The following BICC1 variants were observed in gnomAD, a reference collection of about 807,000 sequenced individuals.
BICC1 encodes the protein BicC family RNA binding protein 1, also known as protein bicaudal C homolog 1.
Under a neutral mutation model 111.0 loss-of-function variants are expected in BICC1, and 43 were observed. The ratio of observed to expected loss-of-function variants is 0.39; its 90% CI spans 0.30 to 0.50. The LOEUF (loss-of-function observed/expected upper bound fraction) is 0.50. BICC1 is among the 20% of genes least tolerant of loss of function. The pLI is 0.88. For missense variants in BICC1, 1,091 were observed against 1,203.2 expected (o/e 0.91, Z 1.38); for synonymous variants, 467 against 434.4 (o/e 1.07, Z -0.93).
chr10:58,620,879 G>A lies in BICC1; in HGVS notation c.215G>A (p.Ser72Asn). 3 of 1,613,644 alleles carry A rather than the reference G, an allele frequency of 1.9e-6. No individual in the cohort carries two copies. Among genetic ancestry groups the A allele is most frequent in the Non-Finnish European group, 2.5e-6 (3 of 1,179,792 alleles). ...GCTGCTGCTGAAGGGAAAGGCAGAA[G>A]TGGGGAAGACTTTTTTCAAAAGGTA... ...LQAAAEGKGR[S>N]GEDFFQKIME... Residue 72 changes from serine (S) to asparagine (N), a missense_variant, in exon 2 of 21, where the codon AGT (serine) becomes AAT (asparagine). By Grantham distance (46) the Ser-to-Asn change is conservative. Coordinates refer to ENST00000373886, the MANE Select transcript of BICC1 (RefSeq NM_001080512.3).
At chr10:58,741,120 T>A (rs117705139) in intron 3 of BICC1, among the ~76,000 whole-genome samples, 184 of 152,274 alleles carry the variant, frequency 1.2e-3, no homozygotes, top group Non-Finnish European at 2.4e-3. Context: ...GTGCTCACAT[T>A]TGTATTTTAG....
At chr10:58,682,903 C>T (rs1839582855) in intron 2 of BICC1, among the ~76,000 whole-genome samples, 1 of 152,208 alleles carries the variant, frequency 6.6e-6, no homozygotes, top group African/African-American at 2.4e-5. Flanking sequence ...TCCCATTTGT[C>T]AATTTTGGCT....
At chr10:58,779,599 G>T (rs1473359971) in intron 3 of BICC1, among the ~76,000 whole-genome samples, 1 of 152,174 alleles carries the variant, frequency 6.6e-6, no homozygotes, top group Non-Finnish European at 1.5e-5. Flanking sequence ...CAGAAATACA[G>T]CAGTGATCTA....
At chr10:58,761,177 G>A (rs887568802) in intron 3 of BICC1, among the ~76,000 whole-genome samples, 1 of 152,260 alleles carries the variant, frequency 6.6e-6, no homozygotes, top group Non-Finnish European at 1.5e-5. Context: ...AAGAATTTAT[G>A]AACAGAATGA....
In BICC1 at chr10:58,820,375, C is replaced by T. The variant is rs1844219731; in HGVS notation, c.2701C>T (p.Leu901Phe). The change falls in exon 20 of 21, where the codon CTT (leucine) becomes TTT (phenylalanine). Residue 901 changes from leucine to phenylalanine, a missense_variant. By Grantham distance (22) the Leu-to-Phe change is conservative. This residue lies in a region of BICC1 where 231 missense variants were observed against 256.2 expected (regional missense o/e 0.90). Transcript: ENST00000373886. ...TDVFQQQEID[L>F]QTFLTLTDQD... The stretch of plus-strand genomic sequence containing the variant: ...TTGACCTTTCTACCCACAGATCGAT[C>T]TTCAGACATTCCTCACTCTCACAGA... The T allele has an allele frequency of 6.2e-7, 1 of 1,609,920 alleles. No individual in the cohort carries two copies. Among genetic ancestry groups the T allele is most frequent in the African/African-American group, 1.3e-5 (1 of 74,766 alleles).
At chr10:58,701,555 G>A (rs1420899463) in intron 2 of BICC1, among the ~76,000 whole-genome samples, 1 of 152,138 alleles carries the variant, frequency 6.6e-6, no homozygotes, top group African/African-American at 2.4e-5. Context: ...GTCTTACGAC[G>A]TGATGTCGCG....
chr10:58,708,227 A>G lies in BICC1; in HGVS notation c.307+6084A>G, dbSNP rs568171274. Among the ~76,000 whole-genome samples the G allele has an allele frequency of 3.6e-4, 53 of 147,272 alleles. 1 individual carries two copies. The East Asian group carries it at 0.01, about 29-fold the overall frequency. On this transcript the variant is annotated intron_variant, in intron 3 of 20. Transcript: ENST00000373886. The stretch of plus-strand genomic sequence containing the variant: ...GGCTGGTCTTGAACTCCTGACCTCA[A>G]GTGATCTGCCTGCCATGGCCTCCCA...
intron 2 of BICC1, among the ~76,000 whole-genome samples, chr10:58,629,341 A>C (rs998567681): frequency 3.4e-4 from 51 of 151,748 alleles, no homozygotes; most frequent in African/African-American, 1.2e-3. Context: ...AAGTTTATAC[A>C]GGTTGTTGGT....
At chr10:58,540,322 A>G (rs1389024916) in intron 1 of BICC1, among the ~76,000 whole-genome samples, 1 of 151,866 alleles carries the variant, frequency 6.6e-6, no homozygotes, top group African/African-American at 2.4e-5. Flanking sequence ...AAAGGCTATG[A>G]AACTAAGAGT....
At chr10:58,824,067 AAATAG>A in intron 20 of BICC1, 8 of 984,322 alleles carry the variant, frequency 8.1e-6, no homozygotes, top group Non-Finnish European at 9.6e-6. Context: ...TGGCATGTTA[AAATAG>A]CAAATAAAGC....
chr10:58,742,750 TCTAA>T (rs1841709994), intron 3 of BICC1, among the ~76,000 whole-genome samples: 1 of 152,148 alleles, frequency 6.6e-6, no homozygotes, highest in Non-Finnish European at 1.5e-5. Context: ...AATTCTCTGG[TCTAA>T]CTGTGTGTCA....
intron 1 of BICC1, among the ~76,000 whole-genome samples, chr10:58,609,085 A>G (rs1422648805): frequency 6.6e-6 from 1 of 152,278 alleles, no homozygotes; most frequent in East Asian, 1.9e-4. Flanking sequence ...TTACAAATAC[A>G]AAAGAAATAT....
At chr10:58,648,725 A>G (rs7085920) in intron 2 of BICC1, 143,691 of 876,484 alleles carry the variant, frequency 0.16, 12,239 homozygotes, top group Non-Finnish European at 0.17. Flanking sequence ...CCATAATGCT[A>G]CTTGCTACTC....
intron 19 of BICC1, among the ~76,000 whole-genome samples, chr10:58,818,816 T>C (rs1355391358): frequency 1.3e-5 from 2 of 152,104 alleles, no homozygotes; most frequent in African/African-American, 4.8e-5. Flanking sequence ...GGTTAGATGA[T>C]GGTAGCTGGA....
At chr10:58,527,862 G>C (rs1011466604) in intron 1 of BICC1, among the ~76,000 whole-genome samples, 2 of 151,934 alleles carry the variant, frequency 1.3e-5, no homozygotes, top group African/African-American at 4.8e-5. Flanking sequence ...TTCTCAGTGA[G>C]AATGCAGGTG....
At chr10:58,710,873 G>T (rs1354507992) in intron 3 of BICC1, among the ~76,000 whole-genome samples, 1 of 152,044 alleles carries the variant, frequency 6.6e-6, no homozygotes, top group East Asian at 1.9e-4. Context: ...TTTTGAGATA[G>T]GGACTTGCTC....
At chr10:58,628,303 GAA>G (rs1837695188) in intron 2 of BICC1, among the ~76,000 whole-genome samples, 1 of 152,106 alleles carries the variant, frequency 6.6e-6, no homozygotes, top group South Asian at 2.1e-4. Flanking sequence ...TTTTTTTGCT[GAA>G]AAACATTTAA....
At chr10:58,648,499 C>G (rs936850604) in intron 2 of BICC1, 104 of 984,878 alleles carry the variant, frequency 1.1e-4, no homozygotes, top group Admixed American at 1.2e-4. Context: ...ATGCTGGCCA[C>G]TCCACTCGGA....
intron 2 of BICC1, among the ~76,000 whole-genome samples, chr10:58,688,928 A>G (rs1241672591): frequency 6.6e-6 from 1 of 152,176 alleles, no homozygotes; most frequent in Non-Finnish European, 1.5e-5. Flanking sequence ...TACCTAATGT[A>G]GATGTCGGGT....
Sources: gnomAD v4.1 joint callset for allele counts (sites outside exome capture counted in the v4.1 genomes callset) on GRCh38, gnomAD v4.1.1 for gene constraint, gnomAD v4.1.1 regional missense constraint, MANE v1.5 for transcripts, NCBI Gene and HGNC (gene_info 2026-07-23, HGNC 2026-07-21) for gene names.